The following ST7 variants were observed in gnomAD, a reference collection of about 807,000 sequenced individuals.
ST7 encodes the protein suppressor of tumorigenicity 7 protein.
Under a neutral mutation model 78.7 loss-of-function variants are expected in ST7, and 28 were observed. The ratio of observed to expected loss-of-function variants is 0.36; its 90% CI spans 0.26 to 0.49. The LOEUF is 0.49. Ranked by LOEUF, ST7 falls within the 20% of genes least tolerant of loss-of-function variation. ST7 has a pLI of 0.99. For missense variants in ST7, 418 were observed against 696.0 expected, an observed-to-expected ratio of 0.60 and a Z score of 4.49; for synonymous variants, 247 against 249.6, an observed-to-expected ratio of 0.99 and a Z score of 0.10.
At chr7:116,984,713 G>A (rs566958158) in intron 1 of ST7, among the ~76,000 whole-genome samples, 1 of 152,212 alleles carries the variant, frequency 6.6e-6, no homozygotes, top group Admixed American at 6.5e-5. Flanking sequence ...TACAACATAT[G>A]TAAATATGCC....
intron 9 of ST7, among the ~76,000 whole-genome samples, chr7:117,156,869 G>A (rs116970029): frequency 1.2e-3 from 179 of 152,270 alleles, no homozygotes; most frequent in African/African-American, 3.8e-3. Context: ...TGAGATAACC[G>A]GAGAGCAGTA....
intron 1 of ST7, among the ~76,000 whole-genome samples, chr7:117,073,608 C>T (rs535122828): frequency 2.6e-5 from 4 of 152,318 alleles, no homozygotes; most frequent in Admixed American, 2.6e-4. Context: ...CCGGGTTTAA[C>T]TCTTTCTTCT....
At chr7:117,099,045 G>GAAAA (rs1563080073) in intron 1 of ST7, among the ~76,000 whole-genome samples, 1 of 16,088 alleles carries the variant, frequency 6.2e-5, no homozygotes, top group Non-Finnish European at 8.6e-5. Context: ...ACTCACTTTC[G>GAAAA]CAAAAAAAAA....
intron 9 of ST7, among the ~76,000 whole-genome samples, chr7:117,158,527 G>T (rs943789232): frequency 6.6e-6 from 1 of 152,176 alleles, no homozygotes; most frequent in Non-Finnish European, 1.5e-5. Context: ...TACTTAATGC[G>T]CTCAGTTCAG....
intron 9 of ST7, 95 bp downstream of exon 9, chr7:117,138,627 C>G: frequency 1.1e-6 from 1 of 881,176 alleles, no homozygotes; most frequent in Non-Finnish European, 1.8e-6. Context: ...TGTGGTGGTC[C>G]CATGGGTTCT....
At position 117,092,148 on chromosome 7, in the gene ST7, G is replaced by C. The variant is rs145912551; in HGVS notation, c.152-7614G>C. Among the ~76,000 whole-genome samples the C allele has an allele frequency of 6.3e-3, 959 of 152,022 alleles. 6 individuals carry two copies. Among genetic ancestry groups the C allele is most frequent in the Non-Finnish European group, 0.01 (686 of 67,950 alleles). The stretch of plus-strand genomic sequence containing the variant: ...GGGTCACATAAAGTTATGAATAACT[G>C]GGTGCCTGTAGTCCCAGCTACTCGG... On this transcript the variant is annotated intron_variant, in intron 1 of 15. Coordinates refer to ENST00000323984, the MANE Select transcript of ST7 (RefSeq NM_001369598.1).
Position 117,138,423 on chromosome 7 carries a change from C to A in ST7, c.866-12C>A. 3.9e-6 allele frequency: 6 copies of A among 1,531,636 alleles called. No individual in the cohort carries two copies. The highest frequency in any genetic ancestry group is 2.3e-5 in the East Asian group (1 of 42,758). The allele number at this position is 1,531,636 out of a possible 1,614,324, so 94.9% of individuals were successfully genotyped here. A position where few individuals can be genotyped will look rare whatever the true frequency, so the allele number is the denominator to read the frequency against. On this transcript the variant is annotated splice_polypyrimidine_tract_variant and intron_variant, in intron 8 of 15. Transcript: ENST00000323984. Reference sequence around the variant, plus strand: ...TTTTTTAAATGTTGGTGTTTTATATCTCCCTCTTCAGGACGAGACACCAAT... The same window carrying A: ...TTTTTTAAATGTTGGTGTTTTATATATCCCTCTTCAGGACGAGACACCAAT...
intron 10 of ST7, among the ~76,000 whole-genome samples, chr7:117,184,429 A>T (rs1018671643): frequency 1.3e-5 from 2 of 152,220 alleles, no homozygotes; most frequent in Non-Finnish European, 2.9e-5. Context: ...TCAAAATAAA[A>T]TTTCTGAATA....
chr7:116,985,510 G>A (rs1236661904), intron 1 of ST7, among the ~76,000 whole-genome samples: 1 of 151,908 alleles, frequency 6.6e-6, no homozygotes, highest in Non-Finnish European at 1.5e-5. Context: ...GAAGTATGGT[G>A]ACATCAAAAA....
At chr7:117,045,501 T>C (rs911307344) in intron 1 of ST7, among the ~76,000 whole-genome samples, 12 of 152,288 alleles carry the variant, frequency 7.9e-5, no homozygotes, top group Admixed American at 7.2e-4. Context: ...CTTTAAGTCT[T>C]TGAGCAAACG....
intron 1 of ST7, among the ~76,000 whole-genome samples, chr7:117,010,684 T>C (rs1295289774): frequency 6.6e-6 from 1 of 152,194 alleles, no homozygotes; most frequent in Non-Finnish European, 1.5e-5. Flanking sequence ...ATTTCTGAAA[T>C]GCAGAAAAAT....
At position 117,190,693 on chromosome 7, in the gene ST7, A is replaced by AGAG. The variant is rs1312045244; in HGVS notation, c.1152-139_1152-137dup. On this transcript the variant is annotated intron_variant, in intron 11 of 15. Coordinates refer to ENST00000323984, the MANE Select transcript of ST7 (RefSeq NM_001369598.1). This position sits in a 1 kb window ranked among gnomAD's most constrained non-coding sequence, Gnocchi z 5.2. ...CTGGCCTCGGTCCGTGGGGTCACTC[A>AGAG]GAGGTTCCATGCAGTAGAAGTTTGG... 4.7e-5 allele frequency: 30 copies of AGAG among 637,338 alleles called. No homozygotes were observed. The African/African-American group carries it at 4.9e-4, about 10-fold the overall frequency. The allele number at this position is 637,338 out of a possible 1,614,324, so 39.5% of individuals were successfully genotyped here.
intron 10 of ST7, among the ~76,000 whole-genome samples, chr7:117,180,792 G>A (rs1317987791): frequency 6.6e-6 from 1 of 152,066 alleles, no homozygotes; most frequent in African/African-American, 2.4e-5. Flanking sequence ...TGGGACTACA[G>A]GTGTGAACCA....
intron 15 of ST7, among the ~76,000 whole-genome samples, chr7:117,225,311 C>T (rs1793367597): frequency 6.6e-6 from 1 of 152,142 alleles, no homozygotes; most frequent in African/African-American, 2.4e-5. Context: ...TTAGGGTCCT[C>T]ATATTTTCTG....
At chr7:117,066,830 CCAT>C (rs1798662978) in intron 1 of ST7, among the ~76,000 whole-genome samples, 1 of 150,048 alleles carries the variant, frequency 6.7e-6, no homozygotes, top group South Asian at 2.1e-4. Context: ...AGTTGTGCAA[CCAT>C]CATCACTATC....
chr7:117,068,919 A>G (rs1231337611), intron 1 of ST7, among the ~76,000 whole-genome samples: 1 of 152,254 alleles, frequency 6.6e-6, no homozygotes, highest in Non-Finnish European at 1.5e-5. Flanking sequence ...ACCCAGTGCC[A>G]GGATTAACAT....
At chr7:117,149,914 C>G (rs1267689139) in intron 9 of ST7, among the ~76,000 whole-genome samples, 1 of 152,082 alleles carries the variant, frequency 6.6e-6, no homozygotes, top group Non-Finnish European at 1.5e-5. Context: ...ACACACTGCC[C>G]TCAAATGTCA....
intron 1 of ST7, among the ~76,000 whole-genome samples, chr7:117,009,929 C>T (rs1795320635): frequency 6.6e-6 from 1 of 152,092 alleles, no homozygotes; most frequent in South Asian, 2.1e-4. Flanking sequence ...GGGATCCTGC[C>T]ACTATTGCCA....
At chr7:117,025,015 G>T (rs771808971) in intron 1 of ST7, among the ~76,000 whole-genome samples, 6 of 152,144 alleles carry the variant, frequency 3.9e-5, no homozygotes, top group Non-Finnish European at 7.3e-5. Context: ...ATAATTTTCT[G>T]AAATTTTGAG....
Sources: gnomAD v4.1 joint callset for allele counts (sites outside exome capture counted in the v4.1 genomes callset) on GRCh38, gnomAD v4.1.1 for gene constraint, Gnocchi (gnomAD v3.1) non-coding constraint, MANE v1.5 for transcripts, NCBI Gene and HGNC (gene_info 2026-07-23, HGNC 2026-07-21) for gene names.